Variants in KCNQ5 observed in about 807,000 individuals in gnomAD.
KCNQ5 encodes potassium voltage-gated channel subfamily KQT member 5.
In KCNQ5, 30 loss-of-function variants were observed where a neutral mutation model predicts 98.2. The ratio of observed to expected loss-of-function variants is 0.31; its 90% CI spans 0.23 to 0.41. The LOEUF is 0.41. Among genes scored for constraint, KCNQ5 ranks in the 10% least tolerant of loss-of-function variants. KCNQ5 has a pLI of 1.00. For missense variants in KCNQ5, 835 were observed against 1,182.5 expected (o/e 0.71, Z 4.31); for synonymous variants, 458 against 449.4 (o/e 1.02, Z -0.24).
intron 1 of KCNQ5, among the ~76,000 whole-genome samples, chr6:72,835,918 C>T (rs1200995436): frequency 6.6e-6 from 1 of 152,196 alleles, no homozygotes; most frequent in Non-Finnish European, 1.5e-5. Context: ...CACTGTGCTG[C>T]TTCTCAGTTC....
chr6:73,002,858 G>T (rs985989350), intron 1 of KCNQ5, among the ~76,000 whole-genome samples: 6 of 152,280 alleles, frequency 3.9e-5, no homozygotes, highest in African/African-American at 1.4e-4. Context: ...TGGCTATACT[G>T]CCCAAACCCT....
chr6:73,112,811 A>G (rs1775306931), intron 7 of KCNQ5, among the ~76,000 whole-genome samples: 2 of 152,206 alleles, frequency 1.3e-5, no homozygotes. Flanking sequence ...CAGTTATATC[A>G]TGAAGGAGAT....
chr6:73,157,865 G>A lies in KCNQ5; in HGVS notation c.1469-11881G>A. 5 of 778,978 alleles carry A rather than the reference G, an allele frequency of 6.4e-6. No homozygotes were observed. In the South Asian group the frequency reaches 6.7e-5, roughly 10 times the overall value. The allele number at this position is 778,978 out of a possible 1,614,324, so 48.3% of individuals were successfully genotyped here. A position where few individuals can be genotyped will look rare whatever the true frequency, so the allele number is the denominator to read the frequency against. On this transcript the variant is annotated intron_variant, in intron 10 of 13. Transcript: ENST00000370398. ...AGCCTCATGATCTGTGGGTTTTCGG[G>A]ATCTAAGCGAATATCGTTCAGCGCA...
chr6:72,924,210 C>T (rs191731565), intron 1 of KCNQ5, among the ~76,000 whole-genome samples: 2 of 152,272 alleles, frequency 1.3e-5, no homozygotes, highest in Admixed American at 1.3e-4. Flanking sequence ...ATTTTTATAA[C>T]AATTTCCAAT....
chr6:72,658,814 A>G (rs1353962580), intron 1 of KCNQ5, among the ~76,000 whole-genome samples: 1 of 152,034 alleles, frequency 6.6e-6, no homozygotes, highest in Non-Finnish European at 1.5e-5. Context: ...TCCTGAACTC[A>G]GGTAATCCAC....
intron 1 of KCNQ5, among the ~76,000 whole-genome samples, chr6:72,780,658 A>G (rs1773419097): frequency 6.6e-6 from 1 of 152,190 alleles, no homozygotes; most frequent in South Asian, 2.1e-4. Context: ...GGGAGATATG[A>G]GATCAGATAA....
At chr6:72,978,617 AAC>A (rs1400741150) in intron 1 of KCNQ5, among the ~76,000 whole-genome samples, 2 of 152,212 alleles carry the variant, frequency 1.3e-5, no homozygotes, top group African/African-American at 4.8e-5. Flanking sequence ...CCTTTTAAAA[AAC>A]ACAGACTAAA....
At chr6:72,862,651 AG>A (rs1562031983) in intron 1 of KCNQ5, among the ~76,000 whole-genome samples, 1 of 152,030 alleles carries the variant, frequency 6.6e-6, no homozygotes, top group South Asian at 2.1e-4. Flanking sequence ...TTTTTGAGAC[AG>A]GGTCTCGCTC....
chr6:72,821,567 T>C (rs1775752912), intron 1 of KCNQ5, among the ~76,000 whole-genome samples: 1 of 152,058 alleles, frequency 6.6e-6, no homozygotes, highest in Non-Finnish European at 1.5e-5. Flanking sequence ...TTCTGAATAG[T>C]ATTTGTGACA....
At chr6:72,730,786 CTT>C (rs907261472) in intron 1 of KCNQ5, among the ~76,000 whole-genome samples, 10 of 151,290 alleles carry the variant, frequency 6.6e-5, no homozygotes, top group Non-Finnish European at 1.5e-4. Flanking sequence ...CCTGGCTGCT[CTT>C]GTTTGTTTCT....
chr6:72,973,850 T>G (rs1350395405), intron 1 of KCNQ5, among the ~76,000 whole-genome samples: 1 of 152,248 alleles, frequency 6.6e-6, no homozygotes, highest in Non-Finnish European at 1.5e-5. Context: ...CTATCTGCCT[T>G]TATTTTTCCT....
intron 11 of KCNQ5, among the ~76,000 whole-genome samples, chr6:73,184,189 A>G (rs1204840797): frequency 2.0e-5 from 3 of 152,126 alleles, no homozygotes; most frequent in Admixed American, 1.3e-4. Context: ...TTTCCTCAAA[A>G]TGATATGTTG....
intron 1 of KCNQ5, among the ~76,000 whole-genome samples, chr6:72,994,474 C>T (rs946522688): frequency 7.5e-6 from 1 of 134,080 alleles, no homozygotes; most frequent in East Asian, 2.3e-4. Flanking sequence ...ACTCCCTGAC[C>T]CCTTGCGCTT....
At chr6:72,829,151 C>T (rs1776127866) in intron 1 of KCNQ5, among the ~76,000 whole-genome samples, 1 of 152,082 alleles carries the variant, frequency 6.6e-6, no homozygotes, top group Non-Finnish European at 1.5e-5. Flanking sequence ...CAGAGAGGCT[C>T]TCATATATAC....
chr6:73,126,789 A>AGGT (rs1776004094), intron 9 of KCNQ5, among the ~76,000 whole-genome samples: 2 of 152,154 alleles, frequency 1.3e-5, no homozygotes, highest in African/African-American at 4.8e-5. Flanking sequence ...TCATACACTT[A>AGGT]GGTGTCCTAT....
At chr6:72,870,246 T>C (rs949026474) in intron 1 of KCNQ5, among the ~76,000 whole-genome samples, 3 of 152,038 alleles carry the variant, frequency 2.0e-5, no homozygotes, top group Non-Finnish European at 2.9e-5. Flanking sequence ...GGGTGATGTA[T>C]TTGTCTTTTG....
At chr6:72,915,084 C>T (rs1460692121) in intron 1 of KCNQ5, among the ~76,000 whole-genome samples, 1 of 151,884 alleles carries the variant, frequency 6.6e-6, no homozygotes, top group African/African-American at 2.4e-5. Context: ...AAAAGATAAA[C>T]AGATTGAAGT....
Position 73,192,568 on chromosome 6 carries a change from T to C in KCNQ5, c.1713T>C (p.Val571=). 1 of 1,608,350 alleles carries C rather than the reference T, an allele frequency of 6.2e-7. No individual in the cohort carries two copies. Among genetic ancestry groups the C allele is most frequent in the Non-Finnish European group, 8.5e-7 (1 of 1,177,180 alleles). Residue 571 remains valine (V), a synonymous_variant, in exon 13 of 14, where the codon GTT becomes GTC. Coordinates refer to ENST00000370398, the MANE Select transcript of KCNQ5 (RefSeq NM_019842.4). ...AGATCTCCTCTTTCTCTGATAGTGT[T>C]GATCAAATTCTTGGAAAAGGGCAAA... is the stretch of plus-strand genomic sequence containing the variant. The part of the protein sequence containing the change: ...LCRIKSLQTR[V]DQILGKGQIT...
At chr6:72,632,138 C>CTTTTTTTTTTT (rs71540354) in intron 1 of KCNQ5, among the ~76,000 whole-genome samples, 2 of 127,670 alleles carry the variant, frequency 1.6e-5, no homozygotes, top group Non-Finnish European at 3.2e-5. Flanking sequence ...TTCTTTCTTT[C>CTTTTTTTTTTT]TTTTTTTTTT....
Sources: allele counts gnomAD v4.1 joint callset (sites outside exome capture counted in the v4.1 genomes callset), GRCh38; gene constraint gnomAD v4.1.1; transcripts MANE v1.5; gene names NCBI Gene and HGNC (gene_info 2026-07-23, HGNC 2026-07-21).